The following LHFPL3 variants were observed in gnomAD, a reference collection of about 807,000 sequenced individuals.
LHFPL3 encodes the protein LHFPL tetraspan subfamily member 3.
LHFPL3 carries 5 observed loss-of-function variants against 19.3 expected under a neutral mutation model. That is an observed-to-expected ratio of 0.26 (90% CI 0.14 to 0.54). The LOEUF (loss-of-function observed/expected upper bound fraction) is 0.54, where lower values mean the gene tolerates loss of function less well. Among genes scored for constraint, LHFPL3 ranks in the 20% least tolerant of loss-of-function variants. The pLI is 0.94. For synonymous variants in LHFPL3, 133 were observed against 126.2 expected (o/e 1.05, Z -0.36); for missense variants, 249 against 307.4 (o/e 0.81, Z 1.42).
In LHFPL3 at chr7:104,718,224, A is replaced by C. The variant is rs1178910524; in HGVS notation, c.446-18451A>C. On this transcript the variant is annotated intron_variant, in intron 1 of 2. Transcript: ENST00000424859. ...TGAATAAGTTCTAGAGATTCGTAGA[A>C]CATTGTGCTTATAGTTAATAATACT... is the stretch of plus-strand genomic sequence containing the variant. Among the ~76,000 whole-genome samples, 3 of 152,184 alleles carry C rather than the reference A, an allele frequency of 2.0e-5. No homozygotes were observed. In the East Asian group the frequency reaches 5.8e-4, roughly 29 times the overall value.
chr7:104,346,962 G>A (rs144885545), intron 1 of LHFPL3, among the ~76,000 whole-genome samples: 1 of 149,586 alleles, frequency 6.7e-6, no homozygotes, highest in African/African-American at 2.5e-5. Flanking sequence ...AGAACATCTG[G>A]GTTTGTGTGG....
chr7:104,467,683 C>A (rs957969745), intron 1 of LHFPL3, among the ~76,000 whole-genome samples: 4 of 152,094 alleles, frequency 2.6e-5, no homozygotes, highest in African/African-American at 9.7e-5. Flanking sequence ...TTCTCCTCAT[C>A]CAATGAAGAA....
chr7:104,858,315 T>C (rs566688750), intron 2 of LHFPL3, among the ~76,000 whole-genome samples: 11 of 152,286 alleles, frequency 7.2e-5, no homozygotes, highest in African/African-American at 2.4e-4. Flanking sequence ...TGCTCAGACA[T>C]TGTCATCACC....
Position 104,499,252 on chromosome 7 carries a change from A to T in LHFPL3, c.445+170028A>T, listed in dbSNP as rs1278609331. On this transcript the variant is annotated intron_variant, in intron 1 of 2. Coordinates refer to ENST00000424859, the MANE Select transcript of LHFPL3 (RefSeq NM_199000.3). The stretch of plus-strand genomic sequence containing the variant: ...CCTGTTGGGTAATGTTAGAAACACC[A>T]CTTAACCTTCATCTACCTATTTGCT... 3.3e-5 allele frequency among the ~76,000 whole-genome samples: 5 copies of T among 152,240 alleles called. No homozygotes were observed. In the East Asian group the frequency reaches 9.6e-4, roughly 29 times the overall value.
intron 1 of LHFPL3, among the ~76,000 whole-genome samples, chr7:104,702,710 C>T (rs1298767278): frequency 1.3e-5 from 2 of 152,224 alleles, no homozygotes; most frequent in African/African-American, 4.8e-5. Flanking sequence ...GAGAATGGGG[C>T]AATGGCTCCA....
At chr7:104,430,162 G>C (rs1214527386) in intron 1 of LHFPL3, among the ~76,000 whole-genome samples, 1 of 151,172 alleles carries the variant, frequency 6.6e-6, no homozygotes, top group African/African-American at 2.4e-5. Flanking sequence ...AACATCCTTA[G>C]TCTTTGTCCT....
intron 2 of LHFPL3, among the ~76,000 whole-genome samples, chr7:104,822,959 G>A (rs1790704654): frequency 1.3e-5 from 2 of 152,220 alleles, no homozygotes; most frequent in Non-Finnish European, 2.9e-5. Context: ...ACCCTGTGAG[G>A]AACACAAAAC....
chr7:104,564,691 C>T (rs1255782128), intron 1 of LHFPL3, among the ~76,000 whole-genome samples: 2 of 152,172 alleles, frequency 1.3e-5, no homozygotes, highest in African/African-American at 4.8e-5. Flanking sequence ...AGTATGAACC[C>T]AGTTTGCTTT....
chr7:104,661,996 G>A (rs1252057305), intron 1 of LHFPL3, among the ~76,000 whole-genome samples: 1 of 151,880 alleles, frequency 6.6e-6, no homozygotes, highest in Non-Finnish European at 1.5e-5. Flanking sequence ...CTTAGAGCAG[G>A]TAGCATCTAC....
chr7:104,587,726 A>C (rs1462424459), intron 1 of LHFPL3, among the ~76,000 whole-genome samples: 2 of 151,914 alleles, frequency 1.3e-5, no homozygotes, highest in Non-Finnish European at 2.9e-5. Flanking sequence ...ACTAGTTTAC[A>C]GTCCCACCAA....
intron 1 of LHFPL3, among the ~76,000 whole-genome samples, chr7:104,348,229 AC>A (rs1301747421): frequency 6.6e-6 from 1 of 152,202 alleles, no homozygotes; most frequent in African/African-American, 2.4e-5. Context: ...TACTAAAAAT[AC>A]AAAAATTAGC....
intron 2 of LHFPL3, among the ~76,000 whole-genome samples, chr7:104,878,160 C>G (rs540423614): frequency 2.6e-5 from 4 of 152,088 alleles, no homozygotes; most frequent in African/African-American, 7.2e-5. Flanking sequence ...CATAAAAGCC[C>G]AAAGATGGAA....
intron 1 of LHFPL3, among the ~76,000 whole-genome samples, chr7:104,352,754 T>C (rs1010655612): frequency 6.6e-6 from 1 of 152,226 alleles, no homozygotes; most frequent in African/African-American, 2.4e-5. Context: ...CTCCACACTT[T>C]TCTTTCAGTG....
At chr7:104,494,385 C>T (rs945908609) in intron 1 of LHFPL3, among the ~76,000 whole-genome samples, 1 of 152,204 alleles carries the variant, frequency 6.6e-6, no homozygotes. Flanking sequence ...TTCTTCACAT[C>T]CTTCAGAACC....
intron 1 of LHFPL3, among the ~76,000 whole-genome samples, chr7:104,655,196 A>T (rs1792099924): frequency 6.6e-6 from 1 of 151,396 alleles, no homozygotes; most frequent in South Asian, 2.1e-4. Flanking sequence ...TTTATTTTTC[A>T]CTCCATATGC....
chr7:104,628,424 T>A (rs1026741208), intron 1 of LHFPL3, among the ~76,000 whole-genome samples: 1 of 152,186 alleles, frequency 6.6e-6, no homozygotes, highest in African/African-American at 2.4e-5. Context: ...AATAAAGTTG[T>A]AGAACTCGCC....
chr7:104,859,026 G>A (rs1384570843), intron 2 of LHFPL3, among the ~76,000 whole-genome samples: 2 of 151,908 alleles, frequency 1.3e-5, no homozygotes, highest in African/African-American at 2.4e-5. Flanking sequence ...ACTTTGGGAG[G>A]CCAAGGCAGG....
intron 1 of LHFPL3, among the ~76,000 whole-genome samples, chr7:104,351,497 A>G (rs945569351): frequency 6.6e-6 from 1 of 152,210 alleles, no homozygotes; most frequent in African/African-American, 2.4e-5. Flanking sequence ...CCTTCCTCCA[A>G]TAAACAGAAA....
chr7:104,391,573 T>C (rs973855432), intron 1 of LHFPL3, among the ~76,000 whole-genome samples: 2 of 152,180 alleles, frequency 1.3e-5, no homozygotes, highest in Admixed American at 1.3e-4. Context: ...TACCATGCTG[T>C]TTTGGTTACT....
Sources: allele counts gnomAD v4.1 joint callset (sites outside exome capture counted in the v4.1 genomes callset), GRCh38; gene constraint gnomAD v4.1.1; transcripts MANE v1.5; gene names NCBI Gene and HGNC (gene_info 2026-07-23, HGNC 2026-07-21).